PDZD2: variants seen among roughly 807,000 people sequenced by gnomAD.
PDZD2 encodes PDZ domain containing 2, also known as PDZ domain-containing protein 2.
In PDZD2, 90 loss-of-function variants were observed where a neutral mutation model predicts 220.7. That is an observed-to-expected ratio of 0.41 (90% CI 0.34 to 0.49). The LOEUF (loss-of-function observed/expected upper bound fraction) is 0.49. Among genes scored for constraint, PDZD2 ranks in the 20% least tolerant of loss-of-function variants. The pLI is 0.28. For missense variants in PDZD2, 3,174 were observed against 3,608.5 expected, an observed-to-expected ratio of 0.88 and a Z score of 3.08; for synonymous variants, 1,375 against 1,450.5, an observed-to-expected ratio of 0.95 and a Z score of 1.18.
intron 1 of PDZD2, among the ~76,000 whole-genome samples, chr5:31,656,995 A>G (rs1745575809): frequency 6.6e-6 from 1 of 152,206 alleles, no homozygotes; most frequent in Non-Finnish European, 1.5e-5. Flanking sequence ...TGAAGTTCTT[A>G]ACATCTTTGT....
intron 1 of PDZD2, among the ~76,000 whole-genome samples, chr5:31,645,985 C>T (rs867000474): frequency 6.6e-6 from 1 of 151,908 alleles, no homozygotes; most frequent in South Asian, 2.1e-4. Flanking sequence ...ACATGGGAGG[C>T]CTCCGGGCAT....
At chr5:31,926,535 A>G (rs1471491219) in intron 2 of PDZD2, among the ~76,000 whole-genome samples, 1 of 151,490 alleles carries the variant, frequency 6.6e-6, no homozygotes, top group African/African-American at 2.4e-5. Flanking sequence ...TGAAAAAAAA[A>G]AAAAAAAAAA....
intron 1 of PDZD2, among the ~76,000 whole-genome samples, chr5:31,647,600 C>T (rs1210483776): frequency 1.3e-5 from 2 of 152,190 alleles, no homozygotes; most frequent in African/African-American, 2.4e-5. Flanking sequence ...GTGTCTGTGT[C>T]TTCTCTCTTG....
chr5:31,876,556 T>C (rs1046912365), intron 2 of PDZD2, among the ~76,000 whole-genome samples: 1 of 152,142 alleles, frequency 6.6e-6, no homozygotes, highest in African/African-American at 2.4e-5. Flanking sequence ...GCTTCCCCAG[T>C]GCTGAGATTA....
chr5:31,984,828 A>G (rs925802804), intron 3 of PDZD2, among the ~76,000 whole-genome samples: 5 of 152,150 alleles, frequency 3.3e-5, no homozygotes, highest in African/African-American at 1.2e-4. Flanking sequence ...ACCCTGTCTC[A>G]AAACAAGAAA....
chr5:32,029,980 C>T (rs1199461295), intron 6 of PDZD2, among the ~76,000 whole-genome samples: 1 of 152,248 alleles, frequency 6.6e-6, no homozygotes, highest in Non-Finnish European at 1.5e-5. Flanking sequence ...AGGAATCTTC[C>T]TCCCAACTGG....
chr5:31,979,547 T>C (rs1419284910), intron 2 of PDZD2, among the ~76,000 whole-genome samples: 1 of 148,324 alleles, frequency 6.7e-6, no homozygotes, highest in Non-Finnish European at 1.5e-5. Context: ...GCCACTGCAC[T>C]CCAGCCTGGG....
rs1335872914 is a variant in PDZD2 at position 32,041,230 on chromosome 5, C to T, written c.1519+3888C>T. Among the ~76,000 whole-genome samples, 4 of 145,940 alleles carry T rather than the reference C, an allele frequency of 2.7e-5. No individual in the cohort carries two copies. The East Asian group carries it at 6.3e-4, about 23-fold the overall frequency. On this transcript the variant is annotated intron_variant, in intron 7 of 24. Coordinates refer to ENST00000438447, the MANE Select transcript of PDZD2 (RefSeq NM_178140.4). ...CTGGGAGGTGGGGAGCGCCTCTGCC[C>T]GGCCGCCCATCGTCTGGGAAGCGAG...
chr5:32,087,986 T>G lies in PDZD2; in HGVS notation c.4538T>G (p.Phe1513Cys), dbSNP rs763798313. The G allele has an allele frequency of 6.2e-7, 1 of 1,614,212 alleles. No homozygotes were observed. Among genetic ancestry groups the G allele is most frequent in the Non-Finnish European group, 8.5e-7 (1 of 1,180,028 alleles). The change falls in exon 20 of 25, where the codon TTT becomes TGT. Residue 1513 changes from phenylalanine (F) to cysteine (C), a missense_variant. Phe to Cys is a radical substitution (Grantham distance 205). Around this residue, in one of 4 missense-constraint regions of PDZD2, gnomAD observed 1,861 missense variants for 2,001.0 expected, o/e 0.93. Coordinates refer to ENST00000438447, the MANE Select transcript of PDZD2 (RefSeq NM_178140.4). This position sits in a 1 kb window ranked among gnomAD's most constrained non-coding sequence, Gnocchi z 4.0. Reference protein sequence around the residue: ...VLDSINPDKHFTVNKNFLSNY... With the variant: ...VLDSINPDKHCTVNKNFLSNY... ...GATTCAATTAATCCCGACAAACATT[T>G]TACTGTGAACAAAAACTTTCTGAGC...
chr5:31,810,473 C>G (rs534805184), intron 2 of PDZD2, among the ~76,000 whole-genome samples: 42 of 152,216 alleles, frequency 2.8e-4, no homozygotes, highest in Admixed American at 6.5e-4. Flanking sequence ...CACTGTGTTA[C>G]CCAGGATGGT....
chr5:32,101,379 G>T, intron 24 of PDZD2, 140 bp downstream of exon 24: 1 of 766,944 alleles, frequency 1.3e-6, no homozygotes, highest in Middle Eastern at 3.8e-4. Flanking sequence ...GGTTTATTCT[G>T]TATGGACATG....
At chr5:31,875,859 T>C (rs1174524897) in intron 2 of PDZD2, among the ~76,000 whole-genome samples, 1 of 151,912 alleles carries the variant, frequency 6.6e-6, no homozygotes, top group Non-Finnish European at 1.5e-5. Context: ...ATCAATGTTA[T>C]GCTAATTACT....
At chr5:31,822,263 C>A (rs1029589494) in intron 2 of PDZD2, among the ~76,000 whole-genome samples, 1,929 of 136,056 alleles carry the variant, frequency 0.014, 32 homozygotes, top group African/African-American at 0.047. Flanking sequence ...AACTTTTTTT[C>A]ACGCAATCTT....
intron 2 of PDZD2, among the ~76,000 whole-genome samples, chr5:31,921,836 G>A (rs1237015960): frequency 6.6e-6 from 1 of 152,148 alleles, no homozygotes; most frequent in Non-Finnish European, 1.5e-5. Flanking sequence ...TCAGTGCTGG[G>A]AGGATTACAC....
chr5:31,727,119 C>T (rs899461129), intron 1 of PDZD2, among the ~76,000 whole-genome samples: 3 of 152,172 alleles, frequency 2.0e-5, no homozygotes, highest in African/African-American at 7.2e-5. Context: ...GCGATCCACC[C>T]CCACCGTCCA....
chr5:31,935,507 T>C (rs1484825438), intron 2 of PDZD2, among the ~76,000 whole-genome samples: 2 of 152,208 alleles, frequency 1.3e-5, no homozygotes, highest in Non-Finnish European at 2.9e-5. Flanking sequence ...TTGTCTACAA[T>C]GGAAGTTGGA....
At position 32,088,407 on chromosome 5, in the gene PDZD2, A is replaced by C. The variant is rs1247166824; in HGVS notation, c.4959A>C (p.Pro1653=). ...CCCGTGAGAAGGCCGCCTGCTTGCC[A>C]GGCTCATACACTTCAGGCCCAGACT... ...ASPREKAACL[P]GSYTSGPDSS... The change falls in exon 20 of 25, where the codon CCA becomes CCC. Residue 1653 remains proline, a synonymous_variant. Transcript: ENST00000438447. This position sits in a 1 kb window ranked among gnomAD's most constrained non-coding sequence, Gnocchi z 4.6. 7.4e-6 allele frequency: 12 copies of C among 1,613,930 alleles called. No homozygotes were observed. In the African/African-American group the frequency reaches 8.0e-5, roughly 11 times the overall value.
At chr5:31,782,686 G>T (rs1218758079) in intron 1 of PDZD2, among the ~76,000 whole-genome samples, 3 of 149,942 alleles carry the variant, frequency 2.0e-5, no homozygotes, top group African/African-American at 4.9e-5. Context: ...GGTTCAGGCT[G>T]GCTTGGAAAG....
rs778765537 is a variant in PDZD2, at chr5:32,057,851, GC to G, written c.1975-24del. On this transcript the variant is annotated intron_variant, in intron 11 of 24. Transcript: ENST00000438447. The stretch of plus-strand genomic sequence containing the variant: ...ATATAAGGACATTCCAAATGTTTCA[GC>G]CCACCTTTCCTCACTGTTTTCTCAG... 4 of 1,522,722 alleles carry G rather than the reference GC, an allele frequency of 2.6e-6. No individual in the cohort carries two copies. In the South Asian group the frequency reaches 3.4e-5, roughly 13 times the overall value. The allele number at this position is 1,522,722 out of a possible 1,614,324, so 94.3% of individuals were successfully genotyped here.
Sources: allele counts gnomAD v4.1 joint callset (sites outside exome capture counted in the v4.1 genomes callset), GRCh38; gene constraint gnomAD v4.1.1; regional missense constraint gnomAD v4.1.1; non-coding constraint Gnocchi (gnomAD v3.1); transcripts MANE v1.5; gene names NCBI Gene and HGNC (gene_info 2026-07-23, HGNC 2026-07-21).